The following AGBL1 variants were observed in gnomAD, a reference collection of about 807,000 sequenced individuals.
The protein encoded by AGBL1 is AGBL carboxypeptidase 1.
A neutral mutation model predicts 118.9 loss-of-function variants in AGBL1; 130 were observed. That is an observed-to-expected ratio of 1.09 (90% CI 0.95 to 1.26). The LOEUF is 1.26. AGBL1 is among the 50% of genes most tolerant of loss of function. AGBL1 has a pLI of 0.00. For synonymous variants in AGBL1, 555 were observed against 478.9 expected (o/e 1.16, Z -2.08); for missense variants, 1,584 against 1,298.1 (o/e 1.22, Z -3.38).
At chr15:86,153,640 C>T (rs1462219392) in intron 3 of AGBL1, among the ~76,000 whole-genome samples, 2 of 152,154 alleles carry the variant, frequency 1.3e-5, no homozygotes, top group African/African-American at 4.8e-5. Flanking sequence ...CACATGTCCC[C>T]TAGAACTTAA....
At chr15:86,694,297 T>C (rs1446142867) in intron 22 of AGBL1, among the ~76,000 whole-genome samples, 1 of 152,084 alleles carries the variant, frequency 6.6e-6, no homozygotes, top group East Asian at 1.9e-4. Flanking sequence ...GTTTTCCTTG[T>C]AGCAGTCTTT....
chr15:86,359,553 G>T (rs2080773389), intron 17 of AGBL1, among the ~76,000 whole-genome samples: 1 of 150,190 alleles, frequency 6.7e-6, no homozygotes, highest in South Asian at 2.1e-4. Flanking sequence ...TCAGTTTTAG[G>T]ACAATTTTTT....
At chr15:86,868,619 T>C (rs1251702417) in intron 22 of AGBL1, among the ~76,000 whole-genome samples, 1 of 152,220 alleles carries the variant, frequency 6.6e-6, no homozygotes, top group East Asian at 1.9e-4. Context: ...GTGAAGAGGA[T>C]GTTGTAACGA....
intron 22 of AGBL1, among the ~76,000 whole-genome samples, chr15:86,729,591 C>T (rs1220427739): frequency 6.6e-6 from 1 of 152,196 alleles, no homozygotes; most frequent in Non-Finnish European, 1.5e-5. Flanking sequence ...ATCCATATTG[C>T]TGCAGTGGAC....
chr15:86,520,942 T>C (rs1341967986), intron 18 of AGBL1, among the ~76,000 whole-genome samples: 1 of 152,184 alleles, frequency 6.6e-6, no homozygotes, highest in African/African-American at 2.4e-5. Flanking sequence ...ATATTTTACC[T>C]TCATCCTTGG....
intron 1 of AGBL1, among the ~76,000 whole-genome samples, chr15:86,139,230 T>A (rs756931609): frequency 3.3e-5 from 5 of 152,160 alleles, no homozygotes. Context: ...GTCTTTCTCC[T>A]GGGTAAGTGT....
At chr15:86,940,090 G>A (rs1799506755) in intron 23 of AGBL1, among the ~76,000 whole-genome samples, 1 of 52,388 alleles carries the variant, frequency 1.9e-5, no homozygotes, top group Non-Finnish European at 3.6e-5. Flanking sequence ...TTTTTTTTTG[G>A]TAGAGACGGG....
chr15:86,375,722 C>G (rs1422472703), intron 17 of AGBL1, among the ~76,000 whole-genome samples: 1 of 152,230 alleles, frequency 6.6e-6, no homozygotes, highest in East Asian at 1.9e-4. Flanking sequence ...TAGCCCTTAG[C>G]TGGCCCTAAA....
intron 17 of AGBL1, among the ~76,000 whole-genome samples, chr15:86,358,229 G>T (rs963168068): frequency 1.3e-5 from 2 of 151,874 alleles, no homozygotes; most frequent in Non-Finnish European, 2.9e-5. Flanking sequence ...GTTACTTTTG[G>T]TTTTTATGAG....
At chr15:86,650,897 A>T (rs1415999084) in intron 21 of AGBL1, among the ~76,000 whole-genome samples, 1 of 152,158 alleles carries the variant, frequency 6.6e-6, no homozygotes, top group Admixed American at 6.5e-5. Flanking sequence ...AGTAGGTTTG[A>T]TTTGGGGATT....
At chr15:86,176,216 A>C (rs1475855941) in intron 5 of AGBL1, among the ~76,000 whole-genome samples, 3 of 152,202 alleles carry the variant, frequency 2.0e-5, no homozygotes, top group African/African-American at 7.2e-5. Flanking sequence ...AACTGTCCTG[A>C]AGCCTGCTGA....
intron 7 of AGBL1, among the ~76,000 whole-genome samples, chr15:86,256,068 T>C (rs28396387): frequency 0.032 from 4,881 of 152,246 alleles, 273 homozygotes; most frequent in African/African-American, 0.11. Flanking sequence ...CTGTACCAAG[T>C]CAGTAGACAA....
intron 24 of AGBL1, among the ~76,000 whole-genome samples, chr15:87,001,074 A>AT (rs2081432155): frequency 7.8e-6 from 1 of 128,490 alleles, no homozygotes; most frequent in Non-Finnish European, 1.6e-5. Context: ...TTGTACATTG[A>AT]TTTTGTATCC....
chr15:86,771,475 CTT>C lies in AGBL1; in HGVS notation c.3158+97043_3158+97044del, dbSNP rs375293629. 2.7e-4 allele frequency among the ~76,000 whole-genome samples: 41 copies of C among 152,026 alleles called. 1 individual carries two copies. In the South Asian group the frequency reaches 8.3e-3, roughly 31 times the overall value. ...GCTAGTTTTGAATGACTCTGGATAA[CTT>C]TTTGGAGGGAGAGCTTTCCTATACA... On this transcript the variant is annotated intron_variant, in intron 22 of 22. Transcript: ENST00000614907.
At chr15:86,538,883 C>A (rs973182712) in intron 19 of AGBL1, among the ~76,000 whole-genome samples, 2 of 152,246 alleles carry the variant, frequency 1.3e-5, no homozygotes, top group Non-Finnish European at 2.9e-5. Flanking sequence ...CAAGGGGGAC[C>A]TATTAACTTG....
At position 86,641,793 on chromosome 15, in the gene AGBL1, C is replaced by G. The variant is rs116305212; in HGVS notation, c.2995-32480C>G. 7.2e-5 allele frequency among the ~76,000 whole-genome samples: 11 copies of G among 152,270 alleles called. No individual in the cohort carries two copies. The South Asian group carries it at 2.1e-3, about 29-fold the overall frequency. On this transcript the variant is annotated intron_variant, in intron 21 of 22. Coordinates refer to ENST00000614907, the MANE Select transcript of AGBL1 (RefSeq NM_001386094.1). Reference sequence around the variant, plus strand: ...CCTAAAAAAACCCCACAGCTTTTATCAGTCAACTATTTTTGCAGCAATGCT... The same window carrying G: ...CCTAAAAAAACCCCACAGCTTTTATGAGTCAACTATTTTTGCAGCAATGCT...
At chr15:86,142,158 T>G (rs2076972337) in intron 2 of AGBL1, 91 bp downstream of exon 2, 1 of 1,316,152 alleles carries the variant, frequency 7.6e-7, no homozygotes, top group South Asian at 1.3e-5. Context: ...CCTGGGGGTT[T>G]GCTCTTGCTT....
chr15:86,831,935 G>A (rs536806877), intron 22 of AGBL1, among the ~76,000 whole-genome samples: 40 of 152,280 alleles, frequency 2.6e-4, no homozygotes, highest in Non-Finnish European at 4.9e-4. Context: ...GTTTCCATAC[G>A]TCTTCTGAAA....
At chr15:86,434,675 C>A (rs535634780) in intron 18 of AGBL1, among the ~76,000 whole-genome samples, 1 of 152,280 alleles carries the variant, frequency 6.6e-6, no homozygotes, top group South Asian at 2.1e-4. Context: ...ATCCATTAGT[C>A]GGTCCCCTCT....
Sources: gnomAD v4.1 joint callset for allele counts (sites outside exome capture counted in the v4.1 genomes callset) on GRCh38, gnomAD v4.1.1 for gene constraint, MANE v1.5 for transcripts, NCBI Gene and HGNC (gene_info 2026-07-23, HGNC 2026-07-21) for gene names.